Variants in RYR1 observed in about 807,000 individuals in gnomAD.
The protein encoded by RYR1 is ryanodine receptor 1, also known as central core disease of muscle.
A neutral mutation model predicts 583.5 loss-of-function variants in RYR1; 342 were observed. That is an observed-to-expected ratio of 0.59 (90% CI 0.54 to 0.64). RYR1 has a LOEUF of 0.64. Among genes scored for constraint, RYR1 ranks in the 30% least tolerant of loss-of-function variants. The pLI is 0.00. For missense variants in RYR1, 6,032 were observed against 6,917.2 expected (o/e 0.87, Z 4.54); for synonymous variants, 2,791 against 2,822.5 (o/e 0.99, Z 0.35).
chr19:38,439,494 C>T (rs560487828), intron 1 of RYR1, among the ~76,000 whole-genome samples: 8 of 151,820 alleles, frequency 5.3e-5, no homozygotes, highest in East Asian at 1.9e-4. Flanking sequence ...CCACCGCACC[C>T]GGCTATTTTT....
chr19:38,564,823 T>C (rs1861056328), intron 90 of RYR1, 136 bp from the exon 91 acceptor site: 1 of 1,457,988 alleles, frequency 6.9e-7, no homozygotes, highest in Non-Finnish European at 9.2e-7. Context: ...CCTGACCCTG[T>C]CTCAAAAACA....
chr19:38,546,588 C>G, intron 88 of RYR1, 62 bp downstream of exon 88: 1 of 1,325,918 alleles, frequency 7.5e-7, no homozygotes, highest in Non-Finnish European at 1.1e-6. Context: ...CTGAGAATGG[C>G]CCCCTGAGAC....
intron 49 of RYR1, among the ~76,000 whole-genome samples, chr19:38,503,849 C>G (rs917716673): frequency 1.3e-5 from 2 of 152,054 alleles, no homozygotes; most frequent in African/African-American, 4.8e-5. Context: ...TGGGGTGCAG[C>G]CTTTGTTTCT....
chr19:38,581,139 G>A (rs542388798), intron 101 of RYR1, among the ~76,000 whole-genome samples: 3 of 150,578 alleles, frequency 2.0e-5, no homozygotes, highest in East Asian at 2.0e-4. Flanking sequence ...GTGCAGTGGC[G>A]TGATCTCAGC....
chr19:38,452,002 A>C, intron 12 of RYR1, 117 bp downstream of exon 12: 1 of 1,434,902 alleles, frequency 7.0e-7, no homozygotes, highest in Non-Finnish European at 9.8e-7. Context: ...TCTAACATAT[A>C]CATGGGCCAA....
chr19:38,565,493 A>C lies in RYR1; in HGVS notation c.13159A>C (p.Thr4387Pro). ...TELLAGMPDP[T>P]SDEVHGEQPA... ...GCTCCTGGCAGGCATGCCCGACCCC[A>C]CCAGCGACGAGGTGCACGGCGAGCA... Residue 4387 changes from threonine to proline, a missense_variant, in exon 91 of 106, where the codon ACC becomes CCC. Around this residue, in one of 11 missense-constraint regions of RYR1, gnomAD observed 753 missense variants for 759.6 expected, o/e 0.99. Transcript: ENST00000359596. This position sits in a 1 kb window ranked among gnomAD's most constrained non-coding sequence, Gnocchi z 4.7. 1 of 1,505,496 alleles carries C rather than the reference A, an allele frequency of 6.6e-7. No homozygotes were observed. Among genetic ancestry groups the C allele is most frequent in the Non-Finnish European group, 8.8e-7 (1 of 1,134,670 alleles). 93.3% of individuals were successfully genotyped at this position (1,505,496 alleles called of 1,614,324 possible).
Position 38,489,286 on chromosome 19 carries a change from A to T in RYR1, c.5657A>T (p.Glu1886Val). ...GAGGACGAGGAGGAAGAGGGTGAAG[A>T]GGAAGATGAGGAGGAGAAGGAGGAG... ...EEEDEEEEGE[E>V]EDEEEKEEDE... The change falls in exon 35 of 106, where the codon GAG becomes GTG. Residue 1886 changes from glutamate (E) to valine (V), a missense_variant. Physicochemically the swap from Glu to Val is moderately radical, Grantham distance 121. Around this residue, in one of 11 missense-constraint regions of RYR1, gnomAD observed 2,627 missense variants for 2,961.3 expected, o/e 0.89. Coordinates refer to ENST00000359596, the MANE Select transcript of RYR1 (RefSeq NM_000540.3). 1 of 1,605,218 alleles carries T rather than the reference A, an allele frequency of 6.2e-7. No homozygotes were observed. The highest frequency in any genetic ancestry group is 8.5e-7 in the Non-Finnish European group (1 of 1,172,116).
intron 81 of RYR1, 175 bp downstream of exon 81, chr19:38,535,567 G>A: frequency 1.5e-6 from 1 of 677,786 alleles, no homozygotes; most frequent in Non-Finnish European, 2.7e-6. Flanking sequence ...AATAAGGGAG[G>A]CAAAATGTCA....
rs985595474 is a variant in RYR1 at position 38,504,995 on chromosome 19, C to T, written c.8232-8C>T. On this transcript the variant is annotated splice_region_variant and splice_polypyrimidine_tract_variant and intron_variant, in intron 51 of 105. Transcript: ENST00000359596. Reference sequence around the variant, plus strand: ...CTCCAACATCTGCTGACCCTGTGCCCCCAACAGTGTGATCATCCCGGAGAA... The same window carrying T: ...CTCCAACATCTGCTGACCCTGTGCCTCCAACAGTGTGATCATCCCGGAGAA... 20 of 1,613,996 alleles carry T rather than the reference C, an allele frequency of 1.2e-5. No homozygotes were observed. Among genetic ancestry groups the T allele is most frequent in the Non-Finnish European group, 1.5e-5 (18 of 1,180,010 alleles).
intron 67 of RYR1, among the ~76,000 whole-genome samples, chr19:38,520,160 C>T (rs1005377652): frequency 2.0e-5 from 3 of 150,036 alleles, no homozygotes; most frequent in Non-Finnish European, 4.4e-5. Context: ...GCTGCAGCCT[C>T]GGTTCCTGGG....
In RYR1 at chr19:38,499,586, G is replaced by A. The variant is rs1265240546; in HGVS notation, c.7028-49G>A. Reference sequence around the variant, plus strand: ...TTGGGTCCTGGGGCTGCATGGGGAGGTCTCTGATGGTGGCTCATGAGACCC... The same window carrying A: ...TTGGGTCCTGGGGCTGCATGGGGAGATCTCTGATGGTGGCTCATGAGACCC... On this transcript the variant is annotated intron_variant, in intron 43 of 105. Transcript: ENST00000359596. This position sits in a 1 kb window ranked among gnomAD's most constrained non-coding sequence, Gnocchi z 7.3. The A allele has an allele frequency of 1.9e-6, 3 of 1,588,246 alleles. No homozygotes were observed. Among genetic ancestry groups the A allele is most frequent in the South Asian group, 1.1e-5 (1 of 90,048 alleles).
At chr19:38,567,219 G>T (rs908439578) in intron 92 of RYR1, among the ~76,000 whole-genome samples, 1 of 152,082 alleles carries the variant, frequency 6.6e-6, no homozygotes, top group Non-Finnish European at 1.5e-5. Flanking sequence ...GTGGTGTGTG[G>T]GGAGGCTGAG....
chr19:38,563,175 C>T (rs1262888842), intron 90 of RYR1, among the ~76,000 whole-genome samples: 1 of 152,244 alleles, frequency 6.6e-6, no homozygotes, highest in Non-Finnish European at 1.5e-5. Flanking sequence ...CTCACCCCTT[C>T]CCATTCCACT....
chr19:38,464,478 G>A (rs1967981621), intron 22 of RYR1, among the ~76,000 whole-genome samples, 161 bp from the exon 23 acceptor site: 1 of 152,070 alleles, frequency 6.6e-6, no homozygotes, highest in Non-Finnish European at 1.5e-5. Flanking sequence ...AAAGACAGAA[G>A]TCATGAAGCC....
At position 38,572,407 on chromosome 19, in the gene RYR1, G is replaced by A. The variant is rs1973762227; in HGVS notation, c.13998+137G>A. 6 of 1,067,824 alleles carry A rather than the reference G, an allele frequency of 5.6e-6. No homozygotes were observed. The Admixed American group carries it at 8.5e-5, about 15-fold the overall frequency. The allele number at this position is 1,067,824 out of a possible 1,614,324, so 66.1% of individuals were successfully genotyped here. A position where few individuals can be genotyped will look rare whatever the true frequency, so the allele number is the denominator to read the frequency against. On this transcript the variant is annotated intron_variant, in intron 95 of 105. Transcript: ENST00000359596. ...GGGCCTAGGGTTGGGGTGAGGGCTGGGGAACTGGGTACAGGATTGGGGTCT... is the reference window on the plus strand; with the variant it reads ...GGGCCTAGGGTTGGGGTGAGGGCTGAGGAACTGGGTACAGGATTGGGGTCT...
chr19:38,509,450 ATTT>A (rs534650223), intron 58 of RYR1, among the ~76,000 whole-genome samples: 36 of 104,370 alleles, frequency 3.4e-4, no homozygotes, highest in Admixed American at 9.0e-4. Flanking sequence ...TATTATTATT[ATTT>A]TTTTTTTTTT....
intron 26 of RYR1, 47 bp from the exon 27 acceptor site, chr19:38,469,257 GC>G (rs1163251693): frequency 6.2e-7 from 1 of 1,608,504 alleles, no homozygotes; most frequent in East Asian, 2.2e-5. Flanking sequence ...GGCTCCCTCT[GC>G]CCTGCCCACC....
At chr19:38,523,673 TTC>T in intron 69 of RYR1, 1 of 615,140 alleles carries the variant, frequency 1.6e-6, no homozygotes, top group Non-Finnish European at 2.9e-6. Context: ...CCTCTTCCAT[TTC>T]TTTCTTCCTC....
In RYR1 at chr19:38,543,262, G is replaced by A. The variant is rs557555026; in HGVS notation, c.11690-85G>A. The A allele has an allele frequency of 8.9e-7, 1 of 1,128,318 alleles. No homozygotes were observed. The highest frequency in any genetic ancestry group is 2.3e-5 in the East Asian group (1 of 42,684). 69.9% of individuals were successfully genotyped at this position (1,128,318 alleles called of 1,614,324 possible). On this transcript the variant is annotated intron_variant, in intron 84 of 105. Coordinates refer to ENST00000359596, the MANE Select transcript of RYR1 (RefSeq NM_000540.3). The surrounding 1 kb of genome is among the most constrained non-coding windows in gnomAD (Gnocchi z 4.4). ...CATACAATAGGAACTCAACACATGA[G>A]TATTGCATAAATGAATAAATGACCC... is the stretch of plus-strand genomic sequence containing the variant.
Sources: gnomAD v4.1 joint callset for allele counts (sites outside exome capture counted in the v4.1 genomes callset) on GRCh38, gnomAD v4.1.1 for gene constraint, gnomAD v4.1.1 regional missense constraint, Gnocchi (gnomAD v3.1) non-coding constraint, MANE v1.5 for transcripts, NCBI Gene and HGNC (gene_info 2026-07-23, HGNC 2026-07-21) for gene names.